Variants in CCDC68 observed in about 807,000 individuals in gnomAD.
CCDC68 encodes the protein coiled-coil domain containing 68.
CCDC68 carries 45 observed loss-of-function variants against 47.1 expected under a neutral mutation model. The ratio of observed to expected loss-of-function variants is 0.96; its 90% CI spans 0.75 to 1.23. The LOEUF (loss-of-function observed/expected upper bound fraction) is 1.23, where lower values mean the gene tolerates loss of function less well. Among genes scored for constraint, CCDC68 ranks in the 50% most tolerant of loss-of-function variants. The pLI is 0.00. For missense variants in CCDC68, 353 were observed against 373.6 expected, an observed-to-expected ratio of 0.94 and a Z score of 0.45; for synonymous variants, 131 against 129.5, an observed-to-expected ratio of 1.01 and a Z score of -0.08.
chr18:54,920,352 G>A (rs2044036511), intron 8 of CCDC68, among the ~76,000 whole-genome samples: 3 of 151,296 alleles, frequency 2.0e-5, no homozygotes, highest in African/African-American at 7.3e-5. Context: ...ACCACTTCTG[G>A]GCTCAAGAAA....
intron 9 of CCDC68, among the ~76,000 whole-genome samples, chr18:54,918,827 C>T (rs2044001978): frequency 6.6e-6 from 1 of 152,174 alleles, no homozygotes; most frequent in Non-Finnish European, 1.5e-5. Flanking sequence ...ACCACAATCG[C>T]CTCGACTTTG....
chr18:54,926,892 T>C (rs573186070), intron 8 of CCDC68, among the ~76,000 whole-genome samples: 1 of 152,312 alleles, frequency 6.6e-6, no homozygotes, highest in East Asian at 1.9e-4. Flanking sequence ...AGGAATAAAA[T>C]AAAGAAGTTA....
intron 11 of CCDC68, among the ~76,000 whole-genome samples, chr18:54,906,893 A>T (rs1279702652): frequency 6.6e-6 from 1 of 152,254 alleles, no homozygotes; most frequent in Non-Finnish European, 1.5e-5. Context: ...ATACATCATT[A>T]GCAAAGTGAA....
At chr18:54,944,544 A>C (rs1599087765) in intron 2 of CCDC68, among the ~76,000 whole-genome samples, 1 of 152,090 alleles carries the variant, frequency 6.6e-6, no homozygotes, top group African/African-American at 2.4e-5. Context: ...CTGAAGAAAA[A>C]CCCGCAACAA....
At position 54,910,423 on chromosome 18, in the gene CCDC68, G is replaced by A. The variant is rs1184740934; in HGVS notation, c.874-2561C>T. On this transcript the variant is annotated intron_variant, in intron 10 of 11. Transcript: ENST00000591504. ...CTGCCCAGCTCTGGCTAAGCCTGGGGCTTTCATGGCCTCAGAGGGGAAGGA... is the reference window on the plus strand; with the variant it reads ...CTGCCCAGCTCTGGCTAAGCCTGGGACTTTCATGGCCTCAGAGGGGAAGGA... 2.6e-5 allele frequency among the ~76,000 whole-genome samples: 4 copies of A among 152,200 alleles called. No homozygotes were observed. In the East Asian group the frequency reaches 7.7e-4, roughly 29 times the overall value.
chr18:54,942,450 CTGAG>C (rs1018967478), intron 3 of CCDC68, among the ~76,000 whole-genome samples: 10 of 152,146 alleles, frequency 6.6e-5, no homozygotes, highest in Non-Finnish European at 1.3e-4. Flanking sequence ...TTCAATTTTA[CTGAG>C]TGAGTAAAAT....
At chr18:54,914,656 G>A (rs1003756070) in intron 10 of CCDC68, among the ~76,000 whole-genome samples, 1 of 152,028 alleles carries the variant, frequency 6.6e-6, no homozygotes, top group Admixed American at 6.6e-5. Flanking sequence ...GAAAACACTG[G>A]CTTGGGTTGA....
At chr18:54,950,616 G>T (rs1045021508) in intron 1 of CCDC68, among the ~76,000 whole-genome samples, 1 of 152,054 alleles carries the variant, frequency 6.6e-6, no homozygotes, top group Non-Finnish European at 1.5e-5. Context: ...CAGTGCTATA[G>T]AAAATTCTTA....
chr18:54,922,480 C>G (rs1020569275), intron 8 of CCDC68, among the ~76,000 whole-genome samples: 1 of 152,056 alleles, frequency 6.6e-6, no homozygotes, highest in African/African-American at 2.4e-5. Context: ...AGAATTGCTG[C>G]GAACATGCAG....
chr18:54,903,174 A>C lies in CCDC68; in HGVS notation c.*1184T>G, dbSNP rs915221769. Reference sequence around the variant, plus strand: ...TTTATAGACAACACTGATATTTCACATTCCATAATGAAAGAGTCAGCATCT... The same window carrying C: ...TTTATAGACAACACTGATATTTCACCTTCCATAATGAAAGAGTCAGCATCT... On this transcript the variant is annotated 3_prime_UTR_variant, in exon 12 of 12. Coordinates refer to ENST00000591504, the MANE Select transcript of CCDC68 (RefSeq NM_025214.3). 6.6e-6 allele frequency: 1 copy of C among 152,184 alleles called. No individual in the cohort carries two copies. Among genetic ancestry groups the C allele is most frequent in the African/African-American group, 2.4e-5 (1 of 41,462 alleles). 9.4% of individuals were successfully genotyped at this position (152,184 alleles called of 1,614,324 possible). A position where few individuals can be genotyped will look rare whatever the true frequency, so the allele number is the denominator to read the frequency against.
At chr18:54,956,267 T>G (rs1266377652) in intron 1 of CCDC68, among the ~76,000 whole-genome samples, 1 of 152,210 alleles carries the variant, frequency 6.6e-6, no homozygotes, top group African/African-American at 2.4e-5. Flanking sequence ...GGATTATAGG[T>G]GTGAGCCACT....
intron 1 of CCDC68, among the ~76,000 whole-genome samples, chr18:54,952,882 G>A (rs1007124016): frequency 2.6e-5 from 4 of 152,046 alleles, no homozygotes; most frequent in African/African-American, 7.2e-5. Context: ...TTGTGGCGGT[G>A]CACGTGCGTA....
At chr18:54,959,300 C>G (rs2044762851) in intron 1 of CCDC68, 36 bp downstream of exon 1, 1 of 152,368 alleles carries the variant, frequency 6.6e-6, no homozygotes, top group South Asian at 2.1e-4. Context: ...GGGCGCGCCG[C>G]AGGGACCGGG....
chr18:54,944,989 A>T (rs1001664129), intron 2 of CCDC68, among the ~76,000 whole-genome samples: 4 of 152,196 alleles, frequency 2.6e-5, no homozygotes, highest in African/African-American at 9.6e-5. Context: ...GACTAACTGG[A>T]TAACATGTGA....
intron 1 of CCDC68, among the ~76,000 whole-genome samples, chr18:54,951,054 G>A (rs2044610720): frequency 6.7e-6 from 1 of 149,146 alleles, no homozygotes; most frequent in Non-Finnish European, 1.5e-5. Flanking sequence ...GACTACAGGC[G>A]CCCGCTACCA....
At chr18:54,915,176 T>A (rs1440257910) in intron 10 of CCDC68, among the ~76,000 whole-genome samples, 1 of 152,244 alleles carries the variant, frequency 6.6e-6, no homozygotes, top group South Asian at 2.1e-4. Flanking sequence ...CAGTAAGCTA[T>A]TGGAGCCACA....
chr18:54,904,094 T>G lies in CCDC68; in HGVS notation c.*264A>C, dbSNP rs1913838869. The G allele has an allele frequency of 3.3e-6, 1 of 301,030 alleles. No homozygotes were observed. The highest frequency in any genetic ancestry group is 6.1e-5 in the East Asian group (1 of 16,484). The allele number at this position is 301,030 out of a possible 1,614,324, so 18.6% of individuals were successfully genotyped here. On this transcript the variant is annotated 3_prime_UTR_variant, in exon 12 of 12. Transcript: ENST00000591504. Reference sequence around the variant, plus strand: ...GAAAACAAGATTCAGATTTTTTTTTTTTTTTAATTTAAAGCAGAATCTGTC... The same window carrying G: ...GAAAACAAGATTCAGATTTTTTTTTGTTTTTAATTTAAAGCAGAATCTGTC...
rs145921160 is a variant in CCDC68, at chr18:54,939,512, T to C, written c.205-1415A>G. On this transcript the variant is annotated intron_variant, in intron 4 of 11. Transcript: ENST00000591504. ...TGGGACTGCAGACCACACTTGAGAG[T>C]AGCAAGGCCCTAGATCACTATGGTG... 7.2e-5 allele frequency among the ~76,000 whole-genome samples: 11 copies of C among 151,966 alleles called. No individual in the cohort carries two copies. In the East Asian group the frequency reaches 1.8e-3, roughly 24 times the overall value.
At chr18:54,922,545 G>C (rs2044078417) in intron 8 of CCDC68, among the ~76,000 whole-genome samples, 1 of 152,112 alleles carries the variant, frequency 6.6e-6, no homozygotes. Context: ...AGGAAAAGAT[G>C]ACTGGAGGAT....
Sources: gnomAD v4.1 joint callset for allele counts (sites outside exome capture counted in the v4.1 genomes callset) on GRCh38, gnomAD v4.1.1 for gene constraint, MANE v1.5 for transcripts, NCBI Gene and HGNC (gene_info 2026-07-23, HGNC 2026-07-21) for gene names.